The following FBXL7 variants were observed in gnomAD, a reference collection of about 807,000 sequenced individuals.
FBXL7 encodes F-box and leucine rich repeat protein 7, also known as F-box/LRR-repeat protein 7.
FBXL7 carries 12 observed loss-of-function variants against 38.3 expected under a neutral mutation model. The ratio of observed to expected loss-of-function variants is 0.31; its 90% CI spans 0.20 to 0.51. The LOEUF is 0.51. FBXL7 is among the 20% of genes least tolerant of loss of function. The probability of loss-of-function intolerance (pLI) is 0.98; values close to 1 mark genes in which losing one functional copy is unlikely to be tolerated. For synonymous variants in FBXL7, 297 were observed against 300.9 expected (o/e 0.99, Z 0.13); for missense variants, 567 against 676.4 (o/e 0.84, Z 1.79).
chr5:15,850,702 G>T (rs1739068915), intron 2 of FBXL7, among the ~76,000 whole-genome samples: 1 of 152,176 alleles, frequency 6.6e-6, no homozygotes, highest in African/African-American at 2.4e-5. Flanking sequence ...GTCCGGACAT[G>T]TTCCCATTAC....
chr5:15,814,787 A>T (rs1396544092), intron 2 of FBXL7, among the ~76,000 whole-genome samples: 1 of 152,182 alleles, frequency 6.6e-6, no homozygotes, highest in South Asian at 2.1e-4. Context: ...GGCTTTGCTG[A>T]AAACAAAAAC....
chr5:15,685,006 A>C (rs561877278), intron 2 of FBXL7, among the ~76,000 whole-genome samples: 4 of 152,182 alleles, frequency 2.6e-5, no homozygotes, highest in Non-Finnish European at 5.9e-5. Flanking sequence ...CGTAGGACTA[A>C]GCATTTCTCT....
At chr5:15,574,798 A>C (rs1303605282) in intron 1 of FBXL7, among the ~76,000 whole-genome samples, 2 of 152,192 alleles carry the variant, frequency 1.3e-5, no homozygotes, top group Non-Finnish European at 2.9e-5. Flanking sequence ...ATGAAATACT[A>C]GTGCTTGTTG....
chr5:15,620,358 G>T (rs149357462), intron 2 of FBXL7, among the ~76,000 whole-genome samples: 1 of 148,670 alleles, frequency 6.7e-6, no homozygotes, highest in East Asian at 2.0e-4. Context: ...TCAGCCTCCC[G>T]AGTAGCTGGG....
rs573994533 is a variant in FBXL7, at chr5:15,836,259, GAT to G, written c.128-91628_128-91627del. ...CCAGAAATTGTTTTGAAAGCTTTGGGATATGTCAGTCAACAAAAGAAAGATTT... is the reference window on the plus strand; with the variant it reads ...CCAGAAATTGTTTTGAAAGCTTTGGGATGTCAGTCAACAAAAGAAAGATTT... On this transcript the variant is annotated intron_variant, in intron 2 of 3. Coordinates refer to ENST00000504595, the MANE Select transcript of FBXL7 (RefSeq NM_012304.5). 3.9e-5 allele frequency among the ~76,000 whole-genome samples: 6 copies of G among 152,218 alleles called. No homozygotes were observed. The South Asian group carries it at 1.2e-3, about 32-fold the overall frequency.
intron 2 of FBXL7, among the ~76,000 whole-genome samples, chr5:15,743,040 A>G (rs1471089696): frequency 2.6e-5 from 4 of 152,152 alleles, no homozygotes; most frequent in African/African-American, 4.8e-5. Context: ...CATGACATGC[A>G]GGGATTATGG....
chr5:15,762,258 C>T (rs771161561), intron 2 of FBXL7, among the ~76,000 whole-genome samples: 34 of 152,186 alleles, frequency 2.2e-4, no homozygotes, highest in Admixed American at 8.5e-4. Context: ...CAGCTTGCTT[C>T]GTCAAAGACA....
intron 2 of FBXL7, among the ~76,000 whole-genome samples, chr5:15,877,902 C>G (rs945506898): frequency 1.3e-5 from 2 of 152,176 alleles, no homozygotes; most frequent in Admixed American, 6.6e-5. Context: ...TCGTGTTCAT[C>G]TCTCATGCCC....
At chr5:15,561,810 T>C (rs781129923) in intron 1 of FBXL7, among the ~76,000 whole-genome samples, 2 of 152,026 alleles carry the variant, frequency 1.3e-5, no homozygotes, top group African/African-American at 4.8e-5. Flanking sequence ...TCACAAAAAA[T>C]CCCAAGTAGC....
chr5:15,588,686 C>T (rs1180828230), intron 1 of FBXL7, among the ~76,000 whole-genome samples: 4 of 152,122 alleles, frequency 2.6e-5, no homozygotes, highest in African/African-American at 9.7e-5. Flanking sequence ...CGCGCCCGGC[C>T]GCCATGTTGT....
At chr5:15,607,858 A>C (rs1580401700) in intron 1 of FBXL7, among the ~76,000 whole-genome samples, 1 of 152,284 alleles carries the variant, frequency 6.6e-6, no homozygotes, top group Middle Eastern at 3.4e-3. Context: ...TTTGTATTTG[A>C]TACCTACTTG....
chr5:15,654,603 T>A (rs2126575112), intron 2 of FBXL7, among the ~76,000 whole-genome samples: 1 of 152,252 alleles, frequency 6.6e-6, no homozygotes, highest in South Asian at 2.1e-4. Flanking sequence ...GATTCAAGGT[T>A]TTTTAAAGTA....
chr5:15,713,719 T>G (rs1483723463), intron 2 of FBXL7, among the ~76,000 whole-genome samples: 1 of 152,200 alleles, frequency 6.6e-6, no homozygotes, highest in African/African-American at 2.4e-5. Flanking sequence ...ATGTGTAATT[T>G]CAAATACAAG....
intron 1 of FBXL7, among the ~76,000 whole-genome samples, chr5:15,609,484 C>T (rs895630604): frequency 2.0e-5 from 3 of 152,212 alleles, no homozygotes; most frequent in African/African-American, 4.8e-5. Context: ...TCTAGTCAAG[C>T]ATCCTTTCAT....
chr5:15,722,934 A>AAAAACAAAAAAAAC (rs1460367361), intron 2 of FBXL7, among the ~76,000 whole-genome samples: 1 of 151,866 alleles, frequency 6.6e-6, no homozygotes, highest in Non-Finnish European at 1.5e-5. Flanking sequence ...AAAAAACAAA[A>AAAAACAAAAAAAAC]AAAAAAAGAG....
chr5:15,768,601 A>G (rs1736652423), intron 2 of FBXL7, among the ~76,000 whole-genome samples: 1 of 152,156 alleles, frequency 6.6e-6, no homozygotes. Flanking sequence ...GAAATTTAGT[A>G]CAGAACCACC....
intron 2 of FBXL7, among the ~76,000 whole-genome samples, chr5:15,918,652 G>C (rs994322745): frequency 6.6e-6 from 1 of 152,224 alleles, no homozygotes; most frequent in African/African-American, 2.4e-5. Flanking sequence ...GAGCTGAACA[G>C]TGGACTGGCC....
At chr5:15,763,707 C>G (rs1316502108) in intron 2 of FBXL7, among the ~76,000 whole-genome samples, 1 of 152,076 alleles carries the variant, frequency 6.6e-6, no homozygotes, top group Non-Finnish European at 1.5e-5. Flanking sequence ...GAGTTGAAAA[C>G]AAAATGCGTG....
intron 1 of FBXL7, among the ~76,000 whole-genome samples, chr5:15,601,391 A>G (rs751978930): frequency 6.6e-6 from 1 of 152,070 alleles, no homozygotes; most frequent in Non-Finnish European, 1.5e-5. Flanking sequence ...CCCGTGCAGC[A>G]CTCTGATCTT....
Sources: allele counts gnomAD v4.1 joint callset (sites outside exome capture counted in the v4.1 genomes callset), GRCh38; gene constraint gnomAD v4.1.1; transcripts MANE v1.5; gene names NCBI Gene and HGNC (gene_info 2026-07-23, HGNC 2026-07-21).